The following KRT72 variants were observed in gnomAD, a reference collection of about 807,000 sequenced individuals.
KRT72 encodes the protein keratin 72.
Under a neutral mutation model 44.7 loss-of-function variants are expected in KRT72, and 44 were observed. The ratio of observed to expected loss-of-function variants is 0.98; its 90% CI spans 0.77 to 1.27. KRT72 has a LOEUF of 1.27. Among genes scored for constraint, KRT72 ranks in the 50% most tolerant of loss-of-function variants. The pLI is 0.00. For synonymous variants in KRT72, 302 were observed against 280.4 expected (o/e 1.08, Z -0.77); for missense variants, 736 against 667.1 (o/e 1.10, Z -1.14).
chr12:52,585,648 T>A lies in KRT72; in HGVS notation c.*334A>T, dbSNP rs1026603619. 2 of 237,462 alleles carry A rather than the reference T, an allele frequency of 8.4e-6. No individual in the cohort carries two copies. Among genetic ancestry groups the A allele is most frequent in the Non-Finnish European group, 8.2e-6 (1 of 122,402 alleles). The allele number at this position is 237,462 out of a possible 1,614,324, so 14.7% of individuals were successfully genotyped here. A position where few individuals can be genotyped will look rare whatever the true frequency, so the allele number is the denominator to read the frequency against. Reference sequence around the variant, plus strand: ...ACTGGACACAATCCCAATCAGAAGATGAAGAGAGTCCCTTGGTAGTGAAGG... The same window carrying A: ...ACTGGACACAATCCCAATCAGAAGAAGAAGAGAGTCCCTTGGTAGTGAAGG... On this transcript the variant is annotated 3_prime_UTR_variant, in exon 9 of 9. Coordinates refer to ENST00000293745, the MANE Select transcript of KRT72 (RefSeq NM_080747.3).
Position 52,585,877 on chromosome 12 carries a change from T to A in KRT72, c.*105A>T. ...AGAGGAAATGGGGTTGGGACTGTAG[T>A]GACAGACAAAGCATTTCTTGACTTG... On this transcript the variant is annotated 3_prime_UTR_variant, in exon 9 of 9. Coordinates refer to ENST00000293745, the MANE Select transcript of KRT72 (RefSeq NM_080747.3). The A allele has an allele frequency of 9.4e-7, 1 of 1,061,454 alleles. No homozygotes were observed. The highest frequency in any genetic ancestry group is 1.4e-6 in the Non-Finnish European group (1 of 709,786). 65.8% of individuals were successfully genotyped at this position (1,061,454 alleles called of 1,614,324 possible). A position where few individuals can be genotyped will look rare whatever the true frequency, so the allele number is the denominator to read the frequency against.
At chr12:52,595,974 C>A (rs539129318) in intron 2 of KRT72, among the ~76,000 whole-genome samples, 86 of 137,928 alleles carry the variant, frequency 6.2e-4, no homozygotes, top group African/African-American at 2.4e-3. Flanking sequence ...GATGGTTAAA[C>A]ATGATCTTTA....
In KRT72 at chr12:52,597,566, C is replaced by T. The variant is rs755306151; in HGVS notation, c.641+1332G>A. 9.8e-5 allele frequency among the ~76,000 whole-genome samples: 15 copies of T among 152,294 alleles called. 1 individual carries two copies. Among genetic ancestry groups the T allele is most frequent in the South Asian group, 4.1e-4 (2 of 4,828 alleles). On this transcript the variant is annotated intron_variant, in intron 2 of 8. Transcript: ENST00000293745. ...CACAAATTATTTCATTTAATCCCCA[C>T]GACAGCCCTATGAAGTAGATTCTAT...
chr12:52,601,757 C>T (rs554409127), upstream of KRT72, among the ~76,000 whole-genome samples: 3 of 152,248 alleles, frequency 2.0e-5, no homozygotes, highest in Admixed American at 1.3e-4. Flanking sequence ...CTTATCTCCA[C>T]CTGCTGGCCT....
At position 52,585,969 on chromosome 12, in the gene KRT72, A is replaced by T. The variant is rs1939724457; in HGVS notation, c.*13T>A. The stretch of plus-strand genomic sequence containing the variant: ...TGGGAAGCCTTCTGCTCACAGAGCC[A>T]ACCACTTGTCCATCATCTGGAGGCC... On this transcript the variant is annotated 3_prime_UTR_variant, in exon 9 of 9. Transcript: ENST00000293745. 6.2e-7 allele frequency: 1 copy of T among 1,608,650 alleles called. No individual in the cohort carries two copies. The highest frequency in any genetic ancestry group is 1.3e-5 in the African/African-American group (1 of 74,844).
chr12:52,591,723 G>T, intron 4 of KRT72, 95 bp from the exon 5 acceptor site: 1 of 1,253,300 alleles, frequency 8.0e-7, no homozygotes, highest in Non-Finnish European at 1.1e-6. Flanking sequence ...CTGTCCCTCT[G>T]CCTTTCCTCA....
upstream of KRT72, chr12:52,601,540 G>A: frequency 7.3e-7 from 1 of 1,364,730 alleles, no homozygotes; most frequent in Non-Finnish European, 9.9e-7. Flanking sequence ...CCCTTAAATA[G>A]CCTGGCTGGC....
Position 52,592,814 on chromosome 12 carries a change from CT to C in KRT72, c.702+77del. On this transcript the variant is annotated intron_variant, in intron 3 of 8. Coordinates refer to ENST00000293745, the MANE Select transcript of KRT72 (RefSeq NM_080747.3). ...AGGGACTGAGTGACCTACAGGGCCC[CT>C]TTCCTCACCCTACAAGCATCATTGT... 3.0e-6 allele frequency: 4 copies of C among 1,329,426 alleles called. No individual in the cohort carries two copies. In the East Asian group the frequency reaches 7.0e-5, roughly 23 times the overall value. The allele number at this position is 1,329,426 out of a possible 1,614,324, so 82.4% of individuals were successfully genotyped here.
intron 2 of KRT72, 55 bp downstream of exon 2, chr12:52,598,843 A>G: frequency 6.4e-7 from 1 of 1,557,592 alleles, no homozygotes; most frequent in Non-Finnish European, 8.9e-7. Flanking sequence ...TCTCCAAACG[A>G]AAACCTCATT....
intron 7 of KRT72, among the ~76,000 whole-genome samples, chr12:52,587,362 C>A (rs7309602): frequency 4.6e-5 from 7 of 152,108 alleles, no homozygotes; most frequent in Admixed American, 4.6e-4. Flanking sequence ...TGCTCCTCCC[C>A]CCACCCACAA....
At chr12:52,596,020 T>C (rs1386978798) in intron 2 of KRT72, among the ~76,000 whole-genome samples, 1 of 152,230 alleles carries the variant, frequency 6.6e-6, no homozygotes, top group Non-Finnish European at 1.5e-5. Flanking sequence ...CATGTAATCA[T>C]TCACCTAAGA....
intron 2 of KRT72, among the ~76,000 whole-genome samples, chr12:52,598,356 C>T (rs1485729536): frequency 1.3e-5 from 2 of 152,200 alleles, no homozygotes; most frequent in East Asian, 3.8e-4. Context: ...AAGCAAACTT[C>T]CAAAATATCA....
rs910469312 is a variant in KRT72 at position 52,599,889 on chromosome 12, A to G, written c.427-777T>C. Among the ~76,000 whole-genome samples, 10 of 146,084 alleles carry G rather than the reference A, an allele frequency of 6.8e-5. No individual in the cohort carries two copies. The South Asian group carries it at 2.3e-3, about 33-fold the overall frequency. On this transcript the variant is annotated intron_variant, in intron 1 of 8. Transcript: ENST00000293745. The stretch of plus-strand genomic sequence containing the variant: ...CCCATGTCTTAATATCCTCATCTGC[A>G]AGGCAGAACAACAACAGAATCATGG...
At position 52,585,851 on chromosome 12, in the gene KRT72, G is replaced by T; in HGVS notation, c.*131C>A. The T allele has an allele frequency of 2.5e-6, 2 of 814,690 alleles. No homozygotes were observed. Among genetic ancestry groups the T allele is most frequent in the African/African-American group, 1.7e-5 (1 of 58,398 alleles). The allele number at this position is 814,690 out of a possible 1,614,324, so 50.5% of individuals were successfully genotyped here. On this transcript the variant is annotated 3_prime_UTR_variant, in exon 9 of 9. Coordinates refer to ENST00000293745, the MANE Select transcript of KRT72 (RefSeq NM_080747.3). ...AGCATCACACCTTGAGGACAACAGG[G>T]AGAGGAAATGGGGTTGGGACTGTAG...
intron 1 of KRT72, 124 bp downstream of exon 1, chr12:52,600,903 T>C (rs1236838825): frequency 1.6e-5 from 16 of 1,018,340 alleles, no homozygotes; most frequent in African/African-American, 9.9e-5. Context: ...ATTTTACAAA[T>C]GGAAAAGGGA....
At chr12:52,592,019 G>A (rs1297617468) in intron 4 of KRT72, among the ~76,000 whole-genome samples, 1 of 152,124 alleles carries the variant, frequency 6.6e-6, no homozygotes, top group African/African-American at 2.4e-5. Flanking sequence ...CACAGGACAG[G>A]CTCCTGGACC....
At position 52,596,386 on chromosome 12, in the gene KRT72, C is replaced by T. The variant is rs531359948; in HGVS notation, c.641+2512G>A. On this transcript the variant is annotated intron_variant, in intron 2 of 8. Coordinates refer to ENST00000293745, the MANE Select transcript of KRT72 (RefSeq NM_080747.3). ...CTAAGCCACTTAGAAAAAAATCTGC[C>T]CCATTCAACTCATTAGGAAAAGTAT... Among the ~76,000 whole-genome samples the T allele has an allele frequency of 2.6e-5, 4 of 152,200 alleles. No homozygotes were observed. In the South Asian group the frequency reaches 8.3e-4, roughly 32 times the overall value.
At position 52,591,319 on chromosome 12, in the gene KRT72, GCCCAACTTCAAGA is replaced by G. The variant is rs1338894268; in HGVS notation, c.963+132_963+144del. On this transcript the variant is annotated intron_variant, in intron 5 of 8. Coordinates refer to ENST00000293745, the MANE Select transcript of KRT72 (RefSeq NM_080747.3). ...ACCCCTGGGGTGGCATTTCCGCAAG[GCCCAACTTCAAGA>G]CAAAGGAGGTCTTGACTGAGCCCAA... The G allele has an allele frequency of 1.6e-5, 14 of 850,052 alleles. No individual in the cohort carries two copies. In the Admixed American group the frequency reaches 3.9e-4, roughly 23 times the overall value. The allele number at this position is 850,052 out of a possible 1,614,324, so 52.7% of individuals were successfully genotyped here. A position where few individuals can be genotyped will look rare whatever the true frequency, so the allele number is the denominator to read the frequency against.
At chr12:52,601,843 G>A (rs188868050), upstream of KRT72, among the ~76,000 whole-genome samples, 1 of 152,298 alleles carries the variant, frequency 6.6e-6, no homozygotes, top group Non-Finnish European at 1.5e-5. Flanking sequence ...GTGTGTGTCT[G>A]GGGAGACGGA....
Sources: gnomAD v4.1 joint callset for allele counts (sites outside exome capture counted in the v4.1 genomes callset) on GRCh38, gnomAD v4.1.1 for gene constraint, MANE v1.5 for transcripts, NCBI Gene and HGNC (gene_info 2026-07-23, HGNC 2026-07-21) for gene names.